The following COL21A1 variants were observed in gnomAD, a reference collection of about 807,000 sequenced individuals.
COL21A1 encodes the protein collagen type XXI alpha 1 chain.
A neutral mutation model predicts 137.9 loss-of-function variants in COL21A1; 149 were observed. The observed-to-expected ratio is 1.08, with a 90% CI of 0.95 to 1.24. The LOEUF (loss-of-function observed/expected upper bound fraction) is 1.24. Among genes scored for constraint, COL21A1 ranks in the 50% most tolerant of loss-of-function variants. The probability of loss-of-function intolerance (pLI) is 0.00; values close to 1 mark genes in which losing one functional copy is unlikely to be tolerated. For missense variants in COL21A1, 1,167 were observed against 1,158.4 expected, an observed-to-expected ratio of 1.01 and a Z score of -0.11; for synonymous variants, 456 against 391.5, an observed-to-expected ratio of 1.16 and a Z score of -1.95.
intron 12 of COL21A1, among the ~76,000 whole-genome samples, chr6:56,133,065 G>T (rs1011120669): frequency 4.6e-5 from 7 of 152,170 alleles, no homozygotes; most frequent in Non-Finnish European, 2.9e-5. Context: ...CTGCTGAAAA[G>T]ATAACCAAAA....
intron 1 of COL21A1, among the ~76,000 whole-genome samples, chr6:56,391,324 A>G (rs555310178): frequency 1.3e-5 from 2 of 152,224 alleles, no homozygotes; most frequent in South Asian, 4.1e-4. Context: ...AGTGTATAAC[A>G]ATAGACACTT....
chr6:56,126,807 C>A (rs909401109), intron 12 of COL21A1, among the ~76,000 whole-genome samples: 1 of 152,098 alleles, frequency 6.6e-6, no homozygotes, highest in Non-Finnish European at 1.5e-5. Flanking sequence ...GAACCAATGA[C>A]TTTCATGGCA....
At chr6:56,377,746 AAGAG>A (rs2094001945) in intron 1 of COL21A1, among the ~76,000 whole-genome samples, 1 of 152,196 alleles carries the variant, frequency 6.6e-6, no homozygotes, top group South Asian at 2.1e-4. Flanking sequence ...TGCGGCAACT[AAGAG>A]AGTACTGGAA....
At chr6:56,248,487 T>C (rs1008813263), upstream of COL21A1, among the ~76,000 whole-genome samples, 2 of 152,226 alleles carry the variant, frequency 1.3e-5, no homozygotes, top group African/African-American at 4.8e-5. Flanking sequence ...ACAGATCACT[T>C]ATTGCTATCT....
intron 1 of COL21A1, among the ~76,000 whole-genome samples, chr6:56,265,580 A>C (rs114157144): frequency 0.23 from 34,293 of 150,466 alleles, 4,266 homozygotes; most frequent in Non-Finnish European, 0.28. Flanking sequence ...CAAATGCTGT[A>C]GGTGTCATCA....
At chr6:56,079,611 C>T (rs1387851663) in intron 17 of COL21A1, among the ~76,000 whole-genome samples, 5 of 151,580 alleles carry the variant, frequency 3.3e-5, no homozygotes, top group African/African-American at 1.2e-4. Context: ...TTATCTGAGA[C>T]ACTCTAATAC....
At chr6:56,358,636 G>A (rs1444455437) in intron 1 of COL21A1, among the ~76,000 whole-genome samples, 1 of 152,146 alleles carries the variant, frequency 6.6e-6, no homozygotes, top group Non-Finnish European at 1.5e-5. Context: ...GCTTCTAGCA[G>A]TTTTGATTAA....
intron 12 of COL21A1, among the ~76,000 whole-genome samples, chr6:56,135,453 A>C (rs1451880215): frequency 2.0e-5 from 3 of 152,180 alleles, no homozygotes; most frequent in Non-Finnish European, 2.9e-5. Context: ...AATTAAAAAA[A>C]AAACAGTGCT....
intron 9 of COL21A1, among the ~76,000 whole-genome samples, chr6:56,160,535 A>G (rs890433997): frequency 1.3e-5 from 2 of 152,214 alleles, no homozygotes; most frequent in African/African-American, 4.8e-5. Context: ...TCCCCAATAC[A>G]TTAAATTAGA....
At chr6:56,366,275 C>T (rs998298877) in intron 1 of COL21A1, among the ~76,000 whole-genome samples, 2 of 152,142 alleles carry the variant, frequency 1.3e-5, no homozygotes, top group African/African-American at 2.4e-5. Flanking sequence ...CAAGTCTGAG[C>T]CTGAGCAGTG....
chr6:56,083,268 T>C (rs1010451538), intron 17 of COL21A1, among the ~76,000 whole-genome samples: 1 of 151,974 alleles, frequency 6.6e-6, no homozygotes, highest in Admixed American at 6.6e-5. Context: ...AGCCATTTTC[T>C]TACTGGCTGT....
In COL21A1 at chr6:56,057,323, A is replaced by C; in HGVS notation, c.*334T>G. 3.2e-6 allele frequency: 1 copy of C among 309,568 alleles called. No individual in the cohort carries two copies. Among genetic ancestry groups the C allele is most frequent in the South Asian group, 2.8e-5 (1 of 35,420 alleles). The allele number at this position is 309,568 out of a possible 1,614,324, so 19.2% of individuals were successfully genotyped here. On this transcript the variant is annotated 3_prime_UTR_variant, in exon 30 of 30. Transcript: ENST00000244728. Reference sequence around the variant, plus strand: ...GAAATTAAACTCAAATCTCTACTGCATGGAGGCTGAATGTGAAATATTTCA... The same window carrying C: ...GAAATTAAACTCAAATCTCTACTGCCTGGAGGCTGAATGTGAAATATTTCA...
At chr6:56,354,003 G>T (rs142668286) in intron 1 of COL21A1, among the ~76,000 whole-genome samples, 1 of 152,298 alleles carries the variant, frequency 6.6e-6, no homozygotes, top group East Asian at 1.9e-4. Flanking sequence ...GCTTTTAAAA[G>T]ATTTTTGAAA....
At chr6:56,391,684 G>A (rs1028238259) in intron 1 of COL21A1, among the ~76,000 whole-genome samples, 2 of 152,032 alleles carry the variant, frequency 1.3e-5, no homozygotes, top group Admixed American at 6.6e-5. Flanking sequence ...GGAAAACCTA[G>A]AACAATTGGA....
At chr6:56,164,044 T>G (rs1183144746) in intron 9 of COL21A1, among the ~76,000 whole-genome samples, 2 of 152,212 alleles carry the variant, frequency 1.3e-5, no homozygotes, top group Non-Finnish European at 2.9e-5. Context: ...AAAATTATTT[T>G]GACAAATTAA....
chr6:56,306,453 C>T (rs956223875), intron 1 of COL21A1, among the ~76,000 whole-genome samples: 37 of 152,292 alleles, frequency 2.4e-4, no homozygotes, highest in African/African-American at 8.7e-4. Flanking sequence ...TTTCTCTAAA[C>T]TTCTCTTCTT....
intron 1 of COL21A1, among the ~76,000 whole-genome samples, chr6:56,336,465 A>G (rs1276806916): frequency 6.6e-6 from 1 of 152,236 alleles, no homozygotes; most frequent in Non-Finnish European, 1.5e-5. Flanking sequence ...AAAACAGATT[A>G]TAAGAAAATA....
intron 22 of COL21A1, among the ~76,000 whole-genome samples, chr6:56,068,137 G>T (rs12201286): frequency 0.15 from 22,842 of 151,520 alleles, 1,750 homozygotes; most frequent in Middle Eastern, 0.21. Flanking sequence ...TGGCTGTTAT[G>T]TGGGGACACT....
At chr6:56,080,825 A>G (rs1206532256) in intron 17 of COL21A1, among the ~76,000 whole-genome samples, 1 of 151,884 alleles carries the variant, frequency 6.6e-6, no homozygotes, top group Non-Finnish European at 1.5e-5. Context: ...TAAAGATTCA[A>G]TGAAGAAAAA....
Sources: allele counts gnomAD v4.1 joint callset (sites outside exome capture counted in the v4.1 genomes callset), GRCh38; gene constraint gnomAD v4.1.1; transcripts MANE v1.5; gene names NCBI Gene and HGNC (gene_info 2026-07-23, HGNC 2026-07-21).